The following SLC12A3 variants were observed in gnomAD, a reference collection of about 807,000 sequenced individuals.
SLC12A3 encodes the protein solute carrier family 12 member 3.
Under a neutral mutation model 121.0 loss-of-function variants are expected in SLC12A3, and 104 were observed. The ratio of observed to expected loss-of-function variants is 0.86; its 90% CI spans 0.73 to 1.01. The LOEUF is 1.01. Ranked by LOEUF, SLC12A3 falls within the 50% of genes least tolerant of loss-of-function variation. SLC12A3 has a pLI of 0.00. For missense variants in SLC12A3, 1,328 were observed against 1,356.3 expected (o/e 0.98, Z 0.33); for synonymous variants, 536 against 533.4 (o/e 1.00, Z -0.07).
In SLC12A3 at chr16:56,892,104, C is replaced by T. The variant is rs765920376; in HGVS notation, c.2390C>T (p.Ala797Val). 30 of 1,613,442 alleles carry T rather than the reference C, an allele frequency of 1.9e-5. No homozygotes were observed. Among genetic ancestry groups the T allele is most frequent in the Middle Eastern group, 1.6e-4 (1 of 6,084 alleles). Residue 797 changes from alanine (A) to valine (V), a missense_variant, in exon 20 of 26, where the codon GCG (alanine) becomes GTG (valine). By Grantham distance (64) the Ala-to-Val change is moderately conservative. Transcript: ENST00000563236. ...GCAGTTAACCCCGTGTTTGACCCAG[C>T]GGAGGACGGGAAGGAAGCCAGCGCC... is the stretch of plus-strand genomic sequence containing the variant. ...QAHINPVFDPAEDGKEASARV... is the reference protein window; with the variant it reads ...QAHINPVFDPVEDGKEASARV...
At chr16:56,877,492 T>A (rs2055178363) in intron 8 of SLC12A3, among the ~76,000 whole-genome samples, 1 of 151,980 alleles carries the variant, frequency 6.6e-6, no homozygotes, top group Admixed American at 6.6e-5. Flanking sequence ...AAATTTGGGG[T>A]GTATCCTATT....
At chr16:56,866,980 G>T in intron 1 of SLC12A3, 90 bp from the exon 2 acceptor site, 1 of 1,555,934 alleles carries the variant, frequency 6.4e-7, no homozygotes, top group Non-Finnish European at 8.8e-7. Context: ...TGCTCGGTAT[G>T]GGGCGCAGTG....
At position 56,868,372 on chromosome 16, in the gene SLC12A3, G is replaced by A. The variant is rs201650578; in HGVS notation, c.505G>A (p.Val169Ile). 6.8e-5 allele frequency: 109 copies of A among 1,611,668 alleles called. No homozygotes were observed. The highest frequency in any genetic ancestry group is 2.0e-4 in the Admixed American group (12 of 59,836). Residue 169 changes from valine (V) to isoleucine (I), a missense_variant and splice_region_variant, in exon 3 of 26, where the codon GTC becomes ATC. Val to Ile is a conservative substitution (Grantham distance 29). Transcript: ENST00000563236. The part of the protein sequence containing the change: ...LPWITAQAGI[V>I]LTWIIILLSV... ...CTGGATTACGGCCCAGGCAGGCATC[G>A]GTGAGTGCCCCTCTGGGGAAGAGGA...
intron 22 of SLC12A3, among the ~76,000 whole-genome samples, chr16:56,898,562 G>T (rs2055496418): frequency 6.6e-6 from 1 of 152,074 alleles, no homozygotes; most frequent in Non-Finnish European, 1.5e-5. Flanking sequence ...CCGGCCAGGT[G>T]TATTGTTTTG....
At chr16:56,895,252 C>T (rs149553876) in intron 22 of SLC12A3, among the ~76,000 whole-genome samples, 13,718 of 144,214 alleles carry the variant, frequency 0.095, 833 homozygotes, top group Middle Eastern at 0.17. Flanking sequence ...AGTGCAGTGA[C>T]GCAATCTCGG....
Position 56,878,055 on chromosome 16 carries a change from CCTCT to C in SLC12A3, c.1096-18_1096-15del. On this transcript the variant is annotated intron_variant, in intron 8 of 25. Transcript: ENST00000563236. ...CCCTCTCTCCCTCCCTCCCTCCCTCCCTCTCTCCCTCCCTCCTTCAGGACCCTGC... is the reference window on the plus strand; with the variant it reads ...CCCTCTCTCCCTCCCTCCCTCCCTCCCTCCCTCCCTCCTTCAGGACCCTGC... The C allele has an allele frequency of 3.4e-6, 3 of 885,658 alleles. No homozygotes were observed. Among genetic ancestry groups the C allele is most frequent in the South Asian group, 2.8e-5 (2 of 71,974 alleles). 54.9% of individuals were successfully genotyped at this position (885,658 alleles called of 1,614,324 possible). A position where few individuals can be genotyped will look rare whatever the true frequency, so the allele number is the denominator to read the frequency against.
intron 1 of SLC12A3, among the ~76,000 whole-genome samples, chr16:56,866,797 A>G (rs559741021): frequency 1.3e-5 from 2 of 151,930 alleles, no homozygotes; most frequent in Non-Finnish European, 2.9e-5. Flanking sequence ...TAGTAGAGAC[A>G]GGGTTTTACC....
intron 15 of SLC12A3, 25 bp downstream of exon 15, chr16:56,885,389 C>T (rs1322156362): frequency 7.0e-7 from 1 of 1,426,932 alleles, no homozygotes; most frequent in Non-Finnish European, 9.7e-7. Flanking sequence ...TGGGACCCAC[C>T]TGGGACCCCA....
At chr16:56,882,775 T>C (rs920071389) in intron 13 of SLC12A3, among the ~76,000 whole-genome samples, 1 of 151,892 alleles carries the variant, frequency 6.6e-6, no homozygotes, top group Admixed American at 6.6e-5. Context: ...AAACCCTGTC[T>C]CTACAAAAAC....
At chr16:56,902,601 G>T in intron 24 of SLC12A3, 93 bp downstream of exon 24, 1 of 1,485,246 alleles carries the variant, frequency 6.7e-7, no homozygotes, top group South Asian at 1.2e-5. Context: ...CCCTCCCCTC[G>T]ATCCTCCACC....
At position 56,893,049 on chromosome 16, in the gene SLC12A3, A is replaced by T. The variant is rs1467657889; in HGVS notation, c.2516A>T (p.Asp839Val). 2 of 1,613,590 alleles carry T rather than the reference A, an allele frequency of 1.2e-6. No homozygotes were observed. Among genetic ancestry groups the T allele is most frequent in the East Asian group, 2.2e-5 (1 of 44,886 alleles). The change falls in exon 21 of 26, where the codon GAT (aspartate) becomes GTT (valine). Residue 839 changes from aspartate (D) to valine (V), a missense_variant. Coordinates refer to ENST00000563236, the MANE Select transcript of SLC12A3 (RefSeq NM_001126108.2). ...KTIDIYWLFD[D>V]GGLTLLIPYL... is the part of the protein sequence containing the mutation. ...ATAGACATCTACTGGCTCTTTGACG[A>T]TGGAGGTCAGTGACCCCCTTGGATC...
rs1385186672 is a variant in SLC12A3, at chr16:56,893,068, T to G, written c.2521+14T>G. ...TTGACGATGGAGGTCAGTGACCCCC[T>G]TGGATCAGCCCTCCTGCCCGGCGGG... On this transcript the variant is annotated intron_variant, in intron 21 of 25. Coordinates refer to ENST00000563236, the MANE Select transcript of SLC12A3 (RefSeq NM_001126108.2). The G allele has an allele frequency of 1.0e-5, 16 of 1,602,272 alleles. No homozygotes were observed. Among genetic ancestry groups the G allele is most frequent in the Non-Finnish European group, 1.4e-5 (16 of 1,169,472 alleles).
At chr16:56,908,653 A>G (rs888155160) in intron 25 of SLC12A3, among the ~76,000 whole-genome samples, 6 of 152,346 alleles carry the variant, frequency 3.9e-5, no homozygotes, top group Non-Finnish European at 7.4e-5. Flanking sequence ...GGCTCTGCCC[A>G]GAACAATGCT....
At chr16:56,904,537 A>T in intron 25 of SLC12A3, 75 bp downstream of exon 25, 1 of 1,426,336 alleles carries the variant, frequency 7.0e-7, no homozygotes. Context: ...GGGGCTCAGC[A>T]GGGGCACCAC....
At chr16:56,899,808 G>C (rs1220048271) in intron 23 of SLC12A3, among the ~76,000 whole-genome samples, 192 bp downstream of exon 23, 1 of 152,366 alleles carries the variant, frequency 6.6e-6, no homozygotes, top group African/African-American at 2.4e-5. Context: ...GGGCTGAGGG[G>C]ACCACAGGGC....
chr16:56,894,594 G>C lies in SLC12A3; in HGVS notation c.2585G>C (p.Arg862Pro), dbSNP rs267607051. 2.5e-6 allele frequency: 4 copies of C among 1,614,002 alleles called. No individual in the cohort carries two copies. Among genetic ancestry groups the C allele is most frequent in the Admixed American group, 1.7e-5 (1 of 59,992 alleles). The change falls in exon 22 of 26, where the codon CGT becomes CCT. Residue 862 changes from arginine to proline, a missense_variant. Transcript: ENST00000563236. ...AGGAGGTGGAGCAAATGCAAGATCC[G>C]TGTGTTCGTAGGCGGCCAGATTAAC... ...RKRRWSKCKI[R>P]VFVGGQINRM...
At position 56,900,553 on chromosome 16, in the gene SLC12A3, TAG is replaced by T. The variant is rs377745944; in HGVS notation, c.2720+940_2720+941del. Among the ~76,000 whole-genome samples, 1,016 of 150,680 alleles carry T rather than the reference TAG, an allele frequency of 6.7e-3. 13 individuals are homozygous for T. The highest frequency in any genetic ancestry group is 0.023 in the African/African-American group (954 of 41,382). On this transcript the variant is annotated intron_variant, in intron 23 of 25. Coordinates refer to ENST00000563236, the MANE Select transcript of SLC12A3 (RefSeq NM_001126108.2). ...TTTATTTATTTATTTATTTATGAGA[TAG>T]AGTCTTGCTCTGTCACCCAGGCTGG... is the stretch of plus-strand genomic sequence containing the variant.
chr16:56,891,633 G>T lies in SLC12A3; in HGVS notation c.2369-450G>T, dbSNP rs556210275. The stretch of plus-strand genomic sequence containing the variant: ...TTACAGGCACACCAAAAGCCAAAAA[G>T]CCTCTGCTCTTGAGAAGCTGACGCT... On this transcript the variant is annotated intron_variant, in intron 19 of 25. Transcript: ENST00000563236. Among the ~76,000 whole-genome samples the T allele has an allele frequency of 4.6e-5, 7 of 152,324 alleles. No homozygotes were observed. In the South Asian group the frequency reaches 1.5e-3, roughly 32 times the overall value.
rs59206129 is a variant in SLC12A3, at chr16:56,905,338, C to CAA, written c.2924+898_2924+899dup. ...TGGCAACAAGAGCGAAACTCCGTCT[C>CAA]AAAAAAAAAAAAAAAAAAAAAAAGA... is the stretch of plus-strand genomic sequence containing the variant. On this transcript the variant is annotated intron_variant, in intron 25 of 25. Coordinates refer to ENST00000563236, the MANE Select transcript of SLC12A3 (RefSeq NM_001126108.2). Among the ~76,000 whole-genome samples the CAA allele has an allele frequency of 4.6e-3, 229 of 49,476 alleles. 1 individual carries two copies. The highest frequency in any genetic ancestry group is 5.4e-3 in the Non-Finnish European group (125 of 23,288). The allele number at this position is 49,476 out of a possible 152,430, so 32.5% of individuals were successfully genotyped here. A position where few individuals can be genotyped will look rare whatever the true frequency, so the allele number is the denominator to read the frequency against.
Sources: gnomAD v4.1 joint callset for allele counts (sites outside exome capture counted in the v4.1 genomes callset) on GRCh38, gnomAD v4.1.1 for gene constraint, MANE v1.5 for transcripts, NCBI Gene and HGNC (gene_info 2026-07-23, HGNC 2026-07-21) for gene names.